Variants in BARD1 observed in about 807,000 individuals in gnomAD.
BARD1 encodes the protein BRCA1-associated RING domain protein 1.
In BARD1, 73 loss-of-function variants were observed where a neutral mutation model predicts 77.0. The ratio of observed to expected loss-of-function variants is 0.95; its 90% confidence interval spans 0.79 to 1.15. The LOEUF is 1.15. BARD1 is among the 50% of genes most tolerant of loss of function. The pLI, the probability that BARD1 is intolerant of heterozygous loss-of-function variation, is 0.00. For synonymous variants in BARD1, 384 were observed against 338.0 expected, an observed-to-expected ratio of 1.14 and a Z score of -1.49; for missense variants, 993 against 938.8, an observed-to-expected ratio of 1.06 and a Z score of -0.75.
intron 1 of BARD1, among the ~76,000 whole-genome samples, chr2:214,800,295 A>G (rs944828792): frequency 2.6e-5 from 4 of 152,242 alleles, no homozygotes; most frequent in Non-Finnish European, 4.4e-5. Context: ...GGATAAGGAA[A>G]GATAATGGAA....
intron 2 of BARD1, among the ~76,000 whole-genome samples, chr2:214,794,395 A>G (rs2106139996): frequency 6.6e-6 from 1 of 152,338 alleles, no homozygotes; most frequent in Non-Finnish European, 1.5e-5. Context: ...ATTTTCTTCA[A>G]TCAAAAAAGT....
chr2:214,732,599 G>C (rs552687081), intron 9 of BARD1, among the ~76,000 whole-genome samples: 1 of 152,028 alleles, frequency 6.6e-6, no homozygotes, highest in Non-Finnish European at 1.5e-5. Flanking sequence ...CTTTCATCGC[G>C]TTAGCCAGGA....
chr2:214,762,230 T>C (rs1204161664), intron 6 of BARD1, among the ~76,000 whole-genome samples: 2 of 152,196 alleles, frequency 1.3e-5, no homozygotes, highest in East Asian at 3.8e-4. Context: ...GCTATGTGTA[T>C]AAAATGTTTA....
intron 6 of BARD1, among the ~76,000 whole-genome samples, chr2:214,764,535 A>G (rs531186261): frequency 6.6e-6 from 1 of 152,202 alleles, no homozygotes; most frequent in South Asian, 2.1e-4. Flanking sequence ...AAGCTGGTGC[A>G]AAAAATGCTT....
chr2:214,759,386 G>C (rs568108318), intron 6 of BARD1, among the ~76,000 whole-genome samples: 2 of 152,192 alleles, frequency 1.3e-5, no homozygotes, highest in South Asian at 4.2e-4. Flanking sequence ...TTCACACTGG[G>C]ATGTACAGAG....
chr2:214,788,458 T>G (rs549959544), intron 3 of BARD1, among the ~76,000 whole-genome samples: 2 of 152,220 alleles, frequency 1.3e-5, no homozygotes, highest in South Asian at 2.1e-4. Context: ...TACTACAAAT[T>G]AGGCTTCTTT....
At chr2:214,805,155 C>T (rs757626200) in intron 1 of BARD1, among the ~76,000 whole-genome samples, 1 of 152,044 alleles carries the variant, frequency 6.6e-6, no homozygotes, top group Non-Finnish European at 1.5e-5. Context: ...AGGGAGACTC[C>T]GTCTCAGAAA....
At position 214,754,224 on chromosome 2, in the gene BARD1, AAAC is replaced by A. The variant is rs148463333; in HGVS notation, c.1569-1672_1569-1670del. Among the ~76,000 whole-genome samples, 401 of 152,158 alleles carry A rather than the reference AAAC, an allele frequency of 2.6e-3. 2 individuals are homozygous for A. The highest frequency in any genetic ancestry group is 8.9e-3 in the African/African-American group (370 of 41,520). ...CACCAAGTGCAAAAATGAATAAACA[AAAC>A]AACAACAACATATAATGGCCACATT... On this transcript the variant is annotated intron_variant, in intron 6 of 10. Coordinates refer to ENST00000260947, the MANE Select transcript of BARD1 (RefSeq NM_000465.4).
intron 1 of BARD1, among the ~76,000 whole-genome samples, chr2:214,801,376 A>G (rs1175599448): frequency 6.6e-6 from 1 of 152,226 alleles, no homozygotes; most frequent in African/African-American, 2.4e-5. Flanking sequence ...ACTGATAATT[A>G]TAAGTTACTG....
At position 214,780,670 on chromosome 2, in the gene BARD1, A is replaced by G. The variant is rs1375796276; in HGVS notation, c.1204T>C (p.Ser402Pro). ...PGTPPSTLSS[S>P]SYRRVMSSPS... ...CTAGACATCACTCGCCTGTAACTTG[A>G]ACTACTTAATGTAGAAGGTGGTGTA... is the stretch of plus-strand genomic sequence containing the variant. The change falls in exon 4 of 11, where the codon TCA becomes CCA. Residue 402 changes from serine (S) to proline (P), a missense_variant. Transcript: ENST00000260947. 6.2e-7 allele frequency: 1 copy of G among 1,614,086 alleles called. No individual in the cohort carries two copies. Among genetic ancestry groups the G allele is most frequent in the Admixed American group, 1.7e-5 (1 of 59,996 alleles).
intron 4 of BARD1, among the ~76,000 whole-genome samples, chr2:214,779,990 C>G (rs1020646531): frequency 6.6e-6 from 1 of 151,992 alleles, no homozygotes; most frequent in African/African-American, 2.4e-5. Context: ...GGTGTTGAGG[C>G]AATAATTAAA....
intron 1 of BARD1, among the ~76,000 whole-genome samples, chr2:214,801,855 G>T (rs977028637): frequency 6.7e-6 from 1 of 149,376 alleles, no homozygotes; most frequent in South Asian, 2.2e-4. Context: ...TTGGCGGGGG[G>T]GGGGGTTGTT....
At position 214,782,463 on chromosome 2, in the gene BARD1, T is replaced by C. The variant is rs150843178; in HGVS notation, c.365-954A>G. On this transcript the variant is annotated intron_variant, in intron 3 of 10. Coordinates refer to ENST00000260947, the MANE Select transcript of BARD1 (RefSeq NM_000465.4). ...CATTAAACTATATGGTTAGAAAATA[T>C]ATATTTTTTCTACATATATATATAT... Among the ~76,000 whole-genome samples, 756 of 151,702 alleles carry C rather than the reference T, an allele frequency of 5.0e-3. 4 individuals are homozygous for C. The highest frequency in any genetic ancestry group is 0.027 in the Middle Eastern group (8 of 294).
chr2:214,795,625 A>G (rs1440566952), intron 2 of BARD1, among the ~76,000 whole-genome samples: 1 of 152,220 alleles, frequency 6.6e-6, no homozygotes, highest in Non-Finnish European at 1.5e-5. Context: ...AGATAATACA[A>G]TGATGGCTTG....
At chr2:214,761,302 A>G (rs1476805827) in intron 6 of BARD1, among the ~76,000 whole-genome samples, 1 of 149,148 alleles carries the variant, frequency 6.7e-6, no homozygotes, top group African/African-American at 2.5e-5. Flanking sequence ...AAAAAAAAAA[A>G]GCATTCTGAT....
At chr2:214,785,074 T>C (rs1695211506) in intron 3 of BARD1, among the ~76,000 whole-genome samples, 1 of 35,228 alleles carries the variant, frequency 2.8e-5, no homozygotes, top group South Asian at 7.8e-4. Flanking sequence ...AAGCCTTTTC[T>C]TCCCTCTACC....
intron 4 of BARD1, among the ~76,000 whole-genome samples, chr2:214,773,968 GT>G (rs1694628910): frequency 6.6e-6 from 1 of 152,174 alleles, no homozygotes; most frequent in Non-Finnish European, 1.5e-5. Context: ...TAAATCCTTT[GT>G]TGTCATTTCA....
In BARD1 at chr2:214,809,456, G is replaced by A. The variant is rs1405786437; in HGVS notation, c.114C>T (p.Arg38=). ...GCTTCTCCAGGCGGTCGAGCGCGGCGCGACTGTGGGCCCAGGCACCGCGAC... is the reference window on the plus strand; with the variant it reads ...GCTTCTCCAGGCGGTCGAGCGCGGCACGACTGTGGGCCCAGGCACCGCGAC... ...PDGRGAWAHS[R]AALDRLEKLL... The change falls in exon 1 of 11, where the codon CGC becomes CGT. Residue 38 remains arginine (R), a synonymous_variant. Coordinates refer to ENST00000260947, the MANE Select transcript of BARD1 (RefSeq NM_000465.4). 1 of 1,611,352 alleles carries A rather than the reference G, an allele frequency of 6.2e-7. No homozygotes were observed.
intron 1 of BARD1, among the ~76,000 whole-genome samples, chr2:214,797,375 A>G (rs1695808750): frequency 6.6e-6 from 1 of 152,208 alleles, no homozygotes; most frequent in African/African-American, 2.4e-5. Flanking sequence ...AGAAAGTTGG[A>G]GAAAGGAACA....
Sources: gnomAD v4.1 joint callset for allele counts (sites outside exome capture counted in the v4.1 genomes callset) on GRCh38, gnomAD v4.1.1 for gene constraint, MANE v1.5 for transcripts, NCBI Gene and HGNC (gene_info 2026-07-23, HGNC 2026-07-21) for gene names.